Variants in ADAMTS7 observed in about 807,000 individuals in gnomAD.
ADAMTS7 encodes the protein ADAM metallopeptidase with thrombospondin type 1 motif 7, also known as A disintegrin and metalloproteinase with thrombospondin motifs 7.
Under a neutral mutation model 172.6 loss-of-function variants are expected in ADAMTS7, and 89 were observed. The observed-to-expected ratio is 0.52, with a 90% CI of 0.43 to 0.61. ADAMTS7 has a LOEUF of 0.61. Among genes scored for constraint, ADAMTS7 ranks in the 20% least tolerant of loss-of-function variants. The probability of loss-of-function intolerance (pLI) is 0.00; values close to 1 mark genes in which losing one functional copy is unlikely to be tolerated. For synonymous variants in ADAMTS7, 885 were observed against 978.4 expected (o/e 0.90, Z 1.78); for missense variants, 1,973 against 2,355.6 (o/e 0.84, Z 3.36).
In ADAMTS7 at chr15:78,759,453, A is replaced by T. The variant is rs2055005120; in HGVS notation, c.5029T>A (p.Ser1677Thr). The change falls in exon 24 of 24, where the codon TCC becomes ACC. Residue 1677 changes from serine to threonine, a missense_variant. Coordinates refer to ENST00000388820, the MANE Select transcript of ADAMTS7 (RefSeq NM_014272.5). ...SCSPPSHGAP[S>T]RGHQRVARR is the part of the protein sequence containing the mutation. ...CGGGCAACCCGCTGATGGCCTCGGG[A>T]GGGGGCGCCGTGGCTGGGCGGAGAG... is the stretch of plus-strand genomic sequence containing the variant. The T allele has an allele frequency of 6.3e-7, 1 of 1,595,772 alleles. No homozygotes were observed. Among genetic ancestry groups the T allele is most frequent in the Non-Finnish European group, 8.5e-7 (1 of 1,176,942 alleles).
intron 23 of ADAMTS7, among the ~76,000 whole-genome samples, chr15:78,759,959 G>A (rs1596167237): frequency 6.6e-6 from 1 of 152,290 alleles, no homozygotes; most frequent in Non-Finnish European, 1.5e-5. Context: ...CGGTCCCGGG[G>A]CCTCCTGCCA....
rs144294834 is a variant in ADAMTS7 at position 78,775,135 on chromosome 15, C to T, written c.1707-342G>A. Among the ~76,000 whole-genome samples, 622 of 152,312 alleles carry T rather than the reference C, an allele frequency of 4.1e-3. 6 individuals carry two copies. Among genetic ancestry groups the T allele is most frequent in the African/African-American group, 0.014 (580 of 41,560 alleles). On this transcript the variant is annotated intron_variant, in intron 11 of 23. Transcript: ENST00000388820. The stretch of plus-strand genomic sequence containing the variant: ...GCAGAGGGCTGTTGAGAAGCTGGGA[C>T]AAGCTGCAGGCATGACTAGCACTGG...
intron 11 of ADAMTS7, among the ~76,000 whole-genome samples, 172 bp downstream of exon 11, chr15:78,776,016 G>T (rs1166808117): frequency 1.3e-5 from 2 of 152,214 alleles, no homozygotes; most frequent in Non-Finnish European, 2.9e-5. Context: ...GACCCTGTCA[G>T]CCCCCAGAAC....
At position 78,766,656 on chromosome 15, in the gene ADAMTS7, A is replaced by G; in HGVS notation, c.3255T>C (p.Asp1085=). The change falls in exon 19 of 24, where the codon GAT becomes GAC. Residue 1085 remains aspartate (D), a synonymous_variant. Transcript: ENST00000388820. ...DLSYGPSEEP[D]LDLAGTGDRT... ...GGTCCCCTGTCCCCGCCAGGTCTAG[A>G]TCGGGCTCCTCAGAGGGCCCGTAGG... The G allele has an allele frequency of 1.2e-6, 2 of 1,610,796 alleles. No homozygotes were observed. Among genetic ancestry groups the G allele is most frequent in the Non-Finnish European group, 1.7e-6 (2 of 1,179,726 alleles).
At chr15:78,807,681 G>C (rs748035377) in intron 1 of ADAMTS7, among the ~76,000 whole-genome samples, 5 of 140,630 alleles carry the variant, frequency 3.6e-5, no homozygotes, top group Admixed American at 2.1e-4. Context: ...AAATGAGTTA[G>C]TATGTAAGTG....
chr15:78,761,353 C>G (rs2055040010), intron 23 of ADAMTS7, among the ~76,000 whole-genome samples: 1 of 152,244 alleles, frequency 6.6e-6, no homozygotes, highest in Non-Finnish European at 1.5e-5. Context: ...AGGGAGCAGA[C>G]AGCCAATAGC....
chr15:78,767,554 C>T lies in ADAMTS7; in HGVS notation c.2684G>A (p.Cys895Tyr). Residue 895 changes from cysteine (C) to tyrosine (Y), a missense_variant, in exon 18 of 24, where the codon TGC becomes TAC. Physicochemically the swap from Cys to Tyr is radical, Grantham distance 194. Transcript: ENST00000388820. Reference sequence around the variant, plus strand: ...CCGGCGGGAGAGGCCCCCAGGCCCGCAGGAGCTGGAGCACAGCTGCCACTC... The same window carrying T: ...CCGGCGGGAGAGGCCCCCAGGCCCGTAGGAGCTGGAGCACAGCTGCCACTC... ...AGEWQLCSSS[C>Y]GPGGLSRRAV... 3.2e-6 allele frequency: 5 copies of T among 1,566,532 alleles called. No individual in the cohort carries two copies. Among genetic ancestry groups the T allele is most frequent in the Non-Finnish European group, 4.3e-6 (5 of 1,156,822 alleles).
chr15:78,810,079 G>A (rs1399903190), intron 1 of ADAMTS7, among the ~76,000 whole-genome samples: 1 of 152,144 alleles, frequency 6.6e-6, no homozygotes, highest in African/African-American at 2.4e-5. Context: ...CTACTTTCTC[G>A]TCACAATCCC....
chr15:78,796,848 G>C, intron 3 of ADAMTS7, 62 bp from the exon 4 acceptor site: 1 of 1,456,064 alleles, frequency 6.9e-7, no homozygotes, highest in African/African-American at 1.4e-5. Flanking sequence ...CACGTCTCCA[G>C]GGCCTCTCCT....
At chr15:78,795,226 G>A (rs2055627597) in intron 4 of ADAMTS7, among the ~76,000 whole-genome samples, 1 of 152,194 alleles carries the variant, frequency 6.6e-6, no homozygotes, top group Admixed American at 6.5e-5. Flanking sequence ...CCAGGGGCTG[G>A]GCCCTGCTGT....
intron 4 of ADAMTS7, 136 bp downstream of exon 4, chr15:78,796,454 G>T: frequency 1.0e-6 from 1 of 983,320 alleles, no homozygotes; most frequent in Non-Finnish European, 1.5e-6. Flanking sequence ...CAGGAGCTTG[G>T]ATACCCTTCT....
intron 6 of ADAMTS7, among the ~76,000 whole-genome samples, chr15:78,790,333 G>A (rs1055641353): frequency 2.0e-5 from 3 of 152,186 alleles, no homozygotes; most frequent in African/African-American, 7.2e-5. Context: ...TGGAACTGAT[G>A]AGATCTGAGT....
At chr15:78,811,028 C>A (rs1294366389) in intron 1 of ADAMTS7, 93 bp downstream of exon 1, 3 of 1,185,686 alleles carry the variant, frequency 2.5e-6, no homozygotes, top group East Asian at 3.2e-5. Flanking sequence ...GGAGCCGGCG[C>A]GGGGTCCACA....
At chr15:78,803,747 C>T (rs931775219) in intron 1 of ADAMTS7, among the ~76,000 whole-genome samples, 2 of 152,220 alleles carry the variant, frequency 1.3e-5, no homozygotes, top group Admixed American at 1.3e-4. Flanking sequence ...GCCACTGTGC[C>T]TGGCAACTAT....
chr15:78,777,660 G>A, intron 8 of ADAMTS7, 72 bp from the exon 9 acceptor site: 10 of 1,543,700 alleles, frequency 6.5e-6, no homozygotes, highest in Non-Finnish European at 8.8e-6. Context: ...GGTGGGGCCG[G>A]GACAGGAGGA....
intron 16 of ADAMTS7, among the ~76,000 whole-genome samples, chr15:78,770,147 A>G (rs531140914): frequency 6.6e-6 from 1 of 152,240 alleles, no homozygotes; most frequent in South Asian, 2.1e-4. Flanking sequence ...TGGGCAACAG[A>G]GTGAGACTCC....
At chr15:78,776,918 C>T in intron 9 of ADAMTS7, 77 bp from the exon 10 acceptor site, 4 of 1,261,602 alleles carry the variant, frequency 3.2e-6, no homozygotes. Flanking sequence ...CTCCCTGTCC[C>T]CAAGGGTCCC....
intron 8 of ADAMTS7, among the ~76,000 whole-genome samples, chr15:78,785,971 C>G (rs372232461): frequency 1.9e-5 from 2 of 105,572 alleles, no homozygotes; most frequent in African/African-American, 5.8e-5. Context: ...CTCTTGTTGC[C>G]CAGGTTGGAG....
At chr15:78,779,747 T>A (rs182580124) in intron 8 of ADAMTS7, among the ~76,000 whole-genome samples, 20 of 152,250 alleles carry the variant, frequency 1.3e-4, no homozygotes, top group Non-Finnish European at 1.3e-4. Context: ...CCTCTGACCC[T>A]GGGGCTGAGG....
Sources: allele counts gnomAD v4.1 joint callset (sites outside exome capture counted in the v4.1 genomes callset), GRCh38; gene constraint gnomAD v4.1.1; transcripts MANE v1.5; gene names NCBI Gene and HGNC (gene_info 2026-07-23, HGNC 2026-07-21).